The following ZNF592 variants were observed in gnomAD, a reference collection of about 807,000 sequenced individuals.
The protein encoded by ZNF592 is zinc finger protein 592, also known as spinocerebellar ataxia, autosomal recessive 5.
ZNF592 carries 11 observed loss-of-function variants against 80.3 expected under a neutral mutation model. The ratio of observed to expected loss-of-function variants is 0.14; its 90% CI spans 0.09 to 0.23. The LOEUF (loss-of-function observed/expected upper bound fraction) is 0.23, where lower values mean the gene tolerates loss of function less well. Among genes scored for constraint, ZNF592 ranks in the 10% least tolerant of loss-of-function variants. The pLI, the probability that ZNF592 is intolerant of heterozygous loss-of-function variation, is 1.00. For synonymous variants in ZNF592, 646 were observed against 640.3 expected (o/e 1.01, Z -0.13); for missense variants, 1,420 against 1,633.9 (o/e 0.87, Z 2.26).
chr15:84,762,683 A>G (rs1899386487), intron 1 of ZNF592, among the ~76,000 whole-genome samples: 1 of 152,150 alleles, frequency 6.6e-6, no homozygotes, highest in Admixed American at 6.5e-5. Flanking sequence ...TGTGAGTAGG[A>G]GACTTCAGCT....
rs562380684 is a variant in ZNF592, at chr15:84,760,299, CT to C, written c.-258-4405del. ...TCTCCTACTCCTTCTGCTTCAGGGCCTTTCTCTTCCTTCTTGTTCATCCCTC... is the reference window on the plus strand; with the variant it reads ...TCTCCTACTCCTTCTGCTTCAGGGCCTTCTCTTCCTTCTTGTTCATCCCTC... On this transcript the variant is annotated intron_variant, in intron 1 of 10. Transcript: ENST00000560079. Among the ~76,000 whole-genome samples the C allele has an allele frequency of 4.0e-3, 603 of 152,292 alleles. 2 individuals carry two copies. The highest frequency in any genetic ancestry group is 0.014 in the African/African-American group (573 of 41,560).
At chr15:84,794,577 AGCACTTCTC>A (rs1962842390) in intron 5 of ZNF592, among the ~76,000 whole-genome samples, 2 of 152,086 alleles carry the variant, frequency 1.3e-5, no homozygotes, top group Non-Finnish European at 2.9e-5. Context: ...CCCGGGTTCA[AGCACTTCTC>A]CCACCTCAGC....
At chr15:84,801,527 A>G (rs1963096308) in intron 10 of ZNF592, among the ~76,000 whole-genome samples, 1 of 152,216 alleles carries the variant, frequency 6.6e-6, no homozygotes, top group South Asian at 2.1e-4. Flanking sequence ...TATGCATGGC[A>G]TGCCATATTT....
At chr15:84,786,615 C>T (rs56385235) in intron 4 of ZNF592, among the ~76,000 whole-genome samples, 36,710 of 152,000 alleles carry the variant, frequency 0.24, 4,822 homozygotes, top group East Asian at 0.46. Flanking sequence ...ACTGTGGCCT[C>T]TCATCTCCTC....
In ZNF592 at chr15:84,783,910, G is replaced by C. The variant is rs764947804; in HGVS notation, c.1235G>C (p.Ser412Thr). Residue 412 changes from serine (S) to threonine (T), a missense_variant, in exon 4 of 11, where the codon AGC (serine) becomes ACC (threonine). Physicochemically the swap from Ser to Thr is moderately conservative, Grantham distance 58. This residue lies in a region of ZNF592 where 524 missense variants were observed against 628.3 expected (regional missense o/e 0.83). Transcript: ENST00000560079. The surrounding 1 kb of genome is among the most constrained non-coding windows in gnomAD (Gnocchi z 5.0). ...TCCCCTGTTGGGTCACCTCTAGGGA[G>C]CGCCATTGCAGAGGCCCCCAGCGAG... is the stretch of plus-strand genomic sequence containing the variant. ...SKSPVGSPLG[S>T]AIAEAPSEMP... The C allele has an allele frequency of 1.1e-4, 181 of 1,614,072 alleles. No homozygotes were observed. Among genetic ancestry groups the C allele is most frequent in the Non-Finnish European group, 1.5e-4 (178 of 1,180,010 alleles).
At chr15:84,768,312 A>G (rs1280224606) in intron 2 of ZNF592, among the ~76,000 whole-genome samples, 1 of 142,818 alleles carries the variant, frequency 7.0e-6, no homozygotes, top group Non-Finnish European at 1.5e-5. Flanking sequence ...ATCCCAGCTC[A>G]CTACAACCTC....
rs373341024 is a variant in ZNF592 at position 84,798,834 on chromosome 15, C to A, written c.2983C>A (p.Arg995=). Residue 995 remains arginine, a synonymous_variant, in exon 8 of 11, where the codon CGG becomes AGG. Coordinates refer to ENST00000560079, the MANE Select transcript of ZNF592 (RefSeq NM_014630.3). This position sits in a 1 kb window ranked among gnomAD's most constrained non-coding sequence, Gnocchi z 4.5. The part of the protein sequence containing the change: ...CQECQEWVPD[R]ESYVSHMKKS... The stretch of plus-strand genomic sequence containing the variant: ...GGAGTGCCAGGAGTGGGTTCCAGAT[C>A]GGGAGAGCTACGTGTCCCACATGAA... 1 of 1,599,664 alleles carries A rather than the reference C, an allele frequency of 6.3e-7. No individual in the cohort carries two copies. The highest frequency in any genetic ancestry group is 8.5e-7 in the Non-Finnish European group (1 of 1,179,754).
intron 1 of ZNF592, among the ~76,000 whole-genome samples, chr15:84,761,867 A>G (rs963374609): frequency 1.3e-5 from 2 of 152,210 alleles, no homozygotes; most frequent in Non-Finnish European, 2.9e-5. Flanking sequence ...ATTTCTCAGA[A>G]CAAATTGTCT....
In ZNF592 at chr15:84,777,371, G is replaced by T. The variant is rs1187960474; in HGVS notation, c.-149-812G>T. Reference sequence around the variant, plus strand: ...GCATGTCTGTAGTCCCCACTACTTGGGAGGCTGAGCAGGAGAGTTGCTGGA... The same window carrying T: ...GCATGTCTGTAGTCCCCACTACTTGTGAGGCTGAGCAGGAGAGTTGCTGGA... On this transcript the variant is annotated intron_variant, in intron 2 of 10. Transcript: ENST00000560079. 2.0e-5 allele frequency among the ~76,000 whole-genome samples: 3 copies of T among 151,540 alleles called. No individual in the cohort carries two copies. In the East Asian group the frequency reaches 5.9e-4, roughly 30 times the overall value.
At chr15:84,763,664 C>T (rs1222843673) in intron 1 of ZNF592, among the ~76,000 whole-genome samples, 2 of 152,220 alleles carry the variant, frequency 1.3e-5, no homozygotes, top group Admixed American at 1.3e-4. Flanking sequence ...CCCTTCCCTT[C>T]TACATTTTTA....
chr15:84,779,181 T>C (rs879655591), intron 3 of ZNF592, among the ~76,000 whole-genome samples: 4 of 152,236 alleles, frequency 2.6e-5, no homozygotes, highest in Non-Finnish European at 2.9e-5. Flanking sequence ...GTTGCAAATA[T>C]TCCTTTTGAT....
At chr15:84,800,724 C>T (rs1009456959) in intron 10 of ZNF592, among the ~76,000 whole-genome samples, 9 of 152,194 alleles carry the variant, frequency 5.9e-5, no homozygotes, top group African/African-American at 2.2e-4. Flanking sequence ...GTACATCCTC[C>T]CTTCCCCCAA....
chr15:84,775,268 G>T (rs891168307), intron 2 of ZNF592, among the ~76,000 whole-genome samples: 5 of 151,904 alleles, frequency 3.3e-5, no homozygotes, highest in African/African-American at 9.7e-5. Context: ...GCTAATTTTT[G>T]TATTTTTGGT....
rs1962984648 is a variant in ZNF592 at position 84,798,367 on chromosome 15, C to G, written c.2629C>G (p.Gln877Glu). 2 of 1,614,226 alleles carry G rather than the reference C, an allele frequency of 1.2e-6. No individual in the cohort carries two copies. The highest frequency in any genetic ancestry group is 1.7e-6 in the Non-Finnish European group (2 of 1,180,048). ...EMVFNKKRHI[Q>E]QHFYQNVSKT... ...GGTCTTCAACAAGAAGAGGCACATT[C>G]AGCAGCATTTTTACCAGAATGTCAG... is the stretch of plus-strand genomic sequence containing the variant. The change falls in exon 7 of 11, where the codon CAG (glutamine) becomes GAG (glutamate). Residue 877 changes from glutamine (Q) to glutamate (E), a missense_variant. By Grantham distance (29) the Gln-to-Glu change is conservative (BLOSUM62 2). Around this residue, in one of 7 missense-constraint regions of ZNF592, gnomAD observed 331 missense variants for 347.0 expected, o/e 0.95. Coordinates refer to ENST00000560079, the MANE Select transcript of ZNF592 (RefSeq NM_014630.3). This position sits in a 1 kb window ranked among gnomAD's most constrained non-coding sequence, Gnocchi z 4.5.
intron 1 of ZNF592, among the ~76,000 whole-genome samples, chr15:84,763,581 A>G (rs574294662): frequency 6.6e-6 from 1 of 152,294 alleles, no homozygotes; most frequent in East Asian, 1.9e-4. Context: ...TGAAAGCCCA[A>G]ATAAGAAAAG....
rs150304559 is a variant in ZNF592 at position 84,763,510 on chromosome 15, T to A, written c.-258-1197T>A. 3.9e-3 allele frequency among the ~76,000 whole-genome samples: 601 copies of A among 152,220 alleles called. 2 individuals carry two copies. Among genetic ancestry groups the A allele is most frequent in the African/African-American group, 0.014 (571 of 41,544 alleles). On this transcript the variant is annotated intron_variant, in intron 1 of 10. Coordinates refer to ENST00000560079, the MANE Select transcript of ZNF592 (RefSeq NM_014630.3). ...CTAAGACACCCCTTGGCCCCTGATC[T>A]CTAACTTTTGTCCTCATTTGGACAG...
chr15:84,796,267 T>TATA (rs1567076315), intron 5 of ZNF592, among the ~76,000 whole-genome samples: 33 of 44,218 alleles, frequency 7.5e-4, no homozygotes, highest in African/African-American at 4.1e-3. Flanking sequence ...TATATATATT[T>TATA]TATATATATA....
In ZNF592 at chr15:84,798,164, T is replaced by C; in HGVS notation, c.2576+119T>C. 6.4e-7 allele frequency: 1 copy of C among 1,561,160 alleles called. No homozygotes were observed. The highest frequency in any genetic ancestry group is 1.1e-5 in the South Asian group (1 of 89,284). On this transcript the variant is annotated intron_variant, in intron 6 of 10. Transcript: ENST00000560079. The surrounding 1 kb of genome is among the most constrained non-coding windows in gnomAD (Gnocchi z 4.5). ...GGGTTAGTGGCAGAGGTGCCTGGGG[T>C]CGTACTAAGGATGTCCTGAGGCAGG...
At position 84,784,976 on chromosome 15, in the gene ZNF592, T is replaced by C. The variant is rs1444269184; in HGVS notation, c.2220+81T>C. On this transcript the variant is annotated intron_variant, in intron 4 of 10. Transcript: ENST00000560079. The surrounding 1 kb of genome is among the most constrained non-coding windows in gnomAD (Gnocchi z 5.8). ...GACTGGGCATGGAGAGGAAAGCTCA[T>C]TGATATGGGGGCAGTGGTGGAATCT... 6.2e-6 allele frequency: 9 copies of C among 1,462,110 alleles called. No individual in the cohort carries two copies. Among genetic ancestry groups the C allele is most frequent in the South Asian group, 3.4e-5 (3 of 87,184 alleles). The allele number at this position is 1,462,110 out of a possible 1,614,324, so 90.6% of individuals were successfully genotyped here.
Sources: allele counts gnomAD v4.1 joint callset (sites outside exome capture counted in the v4.1 genomes callset), GRCh38; gene constraint gnomAD v4.1.1; regional missense constraint gnomAD v4.1.1; non-coding constraint Gnocchi (gnomAD v3.1); transcripts MANE v1.5; gene names NCBI Gene and HGNC (gene_info 2026-07-23, HGNC 2026-07-21).